CSMD3: variants seen among roughly 807,000 people sequenced by gnomAD.
CSMD3 encodes CUB and Sushi multiple domains 3, also known as CUB and sushi domain-containing protein 3.
A neutral mutation model predicts 435.2 loss-of-function variants in CSMD3; 177 were observed. That is an observed-to-expected ratio of 0.41 (90% CI 0.36 to 0.46). The LOEUF is 0.46. Among genes scored for constraint, CSMD3 ranks in the 20% least tolerant of loss-of-function variants. CSMD3 has a pLI of 0.34. For synonymous variants in CSMD3, 1,656 were observed against 1,520.5 expected (o/e 1.09, Z -2.07); for missense variants, 4,265 against 4,504.6 (o/e 0.95, Z 1.52).
At chr8:113,222,740 T>C (rs754593463) in intron 3 of CSMD3, among the ~76,000 whole-genome samples, 4 of 151,052 alleles carry the variant, frequency 2.6e-5, no homozygotes, top group Admixed American at 2.0e-4. Flanking sequence ...ACAACTCATA[T>C]TGACCTTTTT....
intron 22 of CSMD3, among the ~76,000 whole-genome samples, chr8:112,610,629 T>A (rs1469005152): frequency 6.6e-6 from 1 of 152,196 alleles, no homozygotes; most frequent in African/African-American, 2.4e-5. Flanking sequence ...TACTAGTGAT[T>A]TTTGAGTTCT....
intron 5 of CSMD3, among the ~76,000 whole-genome samples, chr8:113,097,566 T>C (rs929005081): frequency 1.3e-5 from 2 of 152,070 alleles, no homozygotes; most frequent in Non-Finnish European, 1.5e-5. Context: ...CCAATTATAT[T>C]GTTGCCTATT....
At chr8:112,955,871 T>G (rs1256293422) in intron 7 of CSMD3, among the ~76,000 whole-genome samples, 2 of 151,924 alleles carry the variant, frequency 1.3e-5, no homozygotes, top group East Asian at 3.9e-4. Context: ...TTAGATGGCT[T>G]AAAATTACCA....
chr8:112,335,867 T>C (rs1824509755), intron 44 of CSMD3, among the ~76,000 whole-genome samples: 1 of 152,014 alleles, frequency 6.6e-6, no homozygotes, highest in African/African-American at 2.4e-5. Context: ...TCAGATAAAT[T>C]ATCAGTAGTT....
chr8:113,220,163 G>T (rs1308722515), intron 3 of CSMD3, among the ~76,000 whole-genome samples: 1 of 151,366 alleles, frequency 6.6e-6, no homozygotes, highest in Non-Finnish European at 1.5e-5. Flanking sequence ...CAAACTGCAG[G>T]TGAAGATTAC....
At chr8:113,127,602 G>T (rs77191354) in intron 4 of CSMD3, among the ~76,000 whole-genome samples, 2 of 151,778 alleles carry the variant, frequency 1.3e-5, no homozygotes, top group African/African-American at 2.4e-5. Context: ...ACATCACCAG[G>T]TTTACTCCTT....
chr8:112,753,413 A>C (rs1464543184), intron 13 of CSMD3, among the ~76,000 whole-genome samples: 2 of 152,136 alleles, frequency 1.3e-5, no homozygotes, highest in Non-Finnish European at 2.9e-5. Flanking sequence ...TTATAGGAGG[A>C]ATATATTTCC....
At chr8:112,992,376 G>C (rs1259691019) in intron 6 of CSMD3, among the ~76,000 whole-genome samples, 1 of 151,558 alleles carries the variant, frequency 6.6e-6, no homozygotes. Context: ...AAACATACAC[G>C]GTGATTTCAA....
At chr8:113,029,040 G>C (rs1057153017) in intron 5 of CSMD3, among the ~76,000 whole-genome samples, 13 of 151,564 alleles carry the variant, frequency 8.6e-5, no homozygotes, top group Non-Finnish European at 3.0e-5. Context: ...GACTGACTGT[G>C]TTGTCAGGGG....
intron 8 of CSMD3, among the ~76,000 whole-genome samples, chr8:112,952,354 C>G (rs1298409825): frequency 6.6e-6 from 1 of 151,588 alleles, no homozygotes; most frequent in Non-Finnish European, 1.5e-5. Flanking sequence ...CCGTGCCCAT[C>G]ATAGAATTGA....
intron 17 of CSMD3, among the ~76,000 whole-genome samples, chr8:112,664,385 T>C (rs1054013947): frequency 3.3e-5 from 5 of 152,154 alleles, no homozygotes; most frequent in Non-Finnish European, 7.4e-5. Context: ...TCAACATTCA[T>C]GGAAAAACTA....
chr8:113,113,274 T>C (rs951972241), intron 4 of CSMD3, among the ~76,000 whole-genome samples: 1 of 152,200 alleles, frequency 6.6e-6, no homozygotes, highest in Admixed American at 6.5e-5. Context: ...TCATCCATAG[T>C]CATATTAGGA....
intron 63 of CSMD3, among the ~76,000 whole-genome samples, chr8:112,252,928 C>T (rs1204420282): frequency 6.6e-6 from 1 of 151,544 alleles, no homozygotes; most frequent in African/African-American, 2.4e-5. Flanking sequence ...AACTTTGTTA[C>T]AGCATTTTTC....
At chr8:112,569,948 T>C (rs1829374849) in intron 24 of CSMD3, among the ~76,000 whole-genome samples, 2 of 152,164 alleles carry the variant, frequency 1.3e-5, no homozygotes, top group Admixed American at 1.3e-4. Flanking sequence ...ATTCTGTCAA[T>C]GTGAGTACTG....
intron 5 of CSMD3, among the ~76,000 whole-genome samples, chr8:113,092,974 A>T (rs947945044): frequency 1.3e-5 from 2 of 152,178 alleles, no homozygotes; most frequent in African/African-American, 2.4e-5. Flanking sequence ...CAAATCAAGT[A>T]CAACCATTGG....
chr8:112,501,235 T>C (rs148093015), intron 30 of CSMD3, among the ~76,000 whole-genome samples: 94 of 152,126 alleles, frequency 6.2e-4, no homozygotes, highest in Middle Eastern at 3.4e-3. Flanking sequence ...TTTTGTAATA[T>C]AGAGTAATAA....
At chr8:113,251,723 G>T (rs1164325558) in intron 3 of CSMD3, among the ~76,000 whole-genome samples, 9 of 151,976 alleles carry the variant, frequency 5.9e-5, no homozygotes, top group Non-Finnish European at 1.2e-4. Flanking sequence ...AATGTTACAT[G>T]TAAGTTTTTG....
chr8:113,280,393 C>T (rs7839695), intron 2 of CSMD3, among the ~76,000 whole-genome samples: 2 of 151,416 alleles, frequency 1.3e-5, no homozygotes, highest in Non-Finnish European at 3.0e-5. Flanking sequence ...TGAGCTAGGA[C>T]GGTTGTATTT....
At chr8:113,013,481 A>C (rs1321430491) in intron 6 of CSMD3, among the ~76,000 whole-genome samples, 3 of 152,052 alleles carry the variant, frequency 2.0e-5, no homozygotes, top group Admixed American at 2.0e-4. Flanking sequence ...AGATCGGGCG[A>C]GTTAAGGGTG....
Sources: allele counts gnomAD v4.1 joint callset (sites outside exome capture counted in the v4.1 genomes callset), GRCh38; gene constraint gnomAD v4.1.1; transcripts MANE v1.5; gene names NCBI Gene and HGNC (gene_info 2026-07-23, HGNC 2026-07-21).